Variants in GUCY1A1 observed in about 807,000 individuals in gnomAD.
The protein encoded by GUCY1A1 is guanylate cyclase 1 soluble subunit alpha 1, also known as guanylate cyclase soluble subunit alpha-1.
GUCY1A1 carries 48 observed loss-of-function variants against 64.5 expected under a neutral mutation model. That is an observed-to-expected ratio of 0.74 (90% CI 0.59 to 0.95). The LOEUF (loss-of-function observed/expected upper bound fraction) is 0.95. Ranked by LOEUF, GUCY1A1 falls within the 40% of genes least tolerant of loss-of-function variation. The pLI is 0.00. For missense variants in GUCY1A1, 804 were observed against 825.3 expected (o/e 0.97, Z 0.32); for synonymous variants, 308 against 303.4 (o/e 1.02, Z -0.16).
intron 2 of GUCY1A1, among the ~76,000 whole-genome samples, chr4:155,687,474 C>T (rs1729147968): frequency 2.6e-5 from 4 of 151,976 alleles, no homozygotes; most frequent in Admixed American, 2.0e-4. Flanking sequence ...CATGACTTTA[C>T]CATTTTATGT....
rs1363785713 is a variant in GUCY1A1, at chr4:155,716,547, CCGT to C, written c.1573-611_1573-609del. On this transcript the variant is annotated intron_variant, in intron 7 of 9. Coordinates refer to ENST00000506455, the MANE Select transcript of GUCY1A1 (RefSeq NM_001130682.3). Reference sequence around the variant, plus strand: ...ATTTCCAGTGGTCTTTCAAACACCACCGTTGTTTTTACCTGCTGGTTCAACATC... The same window carrying C: ...ATTTCCAGTGGTCTTTCAAACACCACTGTTTTTACCTGCTGGTTCAACATC... 1.6e-4 allele frequency among the ~76,000 whole-genome samples: 24 copies of C among 152,242 alleles called. No homozygotes were observed. In the East Asian group the frequency reaches 4.5e-3, roughly 28 times the overall value.
Position 155,670,881 on chromosome 4 carries a change from A to G in GUCY1A1, c.-113+3462A>G, listed in dbSNP as rs149056012. On this transcript the variant is annotated intron_variant, in intron 2 of 9. Transcript: ENST00000506455. ...GTCGACACGAGACAATGGCTTTGAG[A>G]GTGAACACCTTCTTAGGGGGGAAGC... 3.9e-3 allele frequency among the ~76,000 whole-genome samples: 597 copies of G among 152,300 alleles called. 10 individuals are homozygous for G. Among genetic ancestry groups the G allele is most frequent in the African/African-American group, 0.013 (546 of 41,574 alleles).
chr4:155,712,601 A>T (rs1487129829), intron 6 of GUCY1A1, among the ~76,000 whole-genome samples: 1 of 152,156 alleles, frequency 6.6e-6, no homozygotes, highest in Non-Finnish European at 1.5e-5. Context: ...TTTCACTTCC[A>T]TACCTGCCAG....
At position 155,734,030 on chromosome 4, in the gene GUCY1A1, G is replaced by A. The variant is rs1349172076; in HGVS notation, c.*3799G>A. On this transcript the variant is annotated 3_prime_UTR_variant, in exon 10 of 10. Coordinates refer to ENST00000506455, the MANE Select transcript of GUCY1A1 (RefSeq NM_001130682.3). ...CTTTGGTAGGGAGGAAAGAAGAGTT[G>A]CTTCAGCATTTTGACTAACATTTCT... 6.6e-6 allele frequency among the ~76,000 whole-genome samples: 1 copy of A among 151,892 alleles called. No homozygotes were observed. Among genetic ancestry groups the A allele is most frequent in the Non-Finnish European group, 1.5e-5 (1 of 67,908 alleles).
Position 155,688,181 on chromosome 4 carries a change from T to TCG in GUCY1A1, c.-112-8573_-112-8572dup, listed in dbSNP as rs1372859861. Among the ~76,000 whole-genome samples, 4 of 151,028 alleles carry TCG rather than the reference T, an allele frequency of 2.6e-5. No homozygotes were observed. In the East Asian group the frequency reaches 7.8e-4, roughly 30 times the overall value. On this transcript the variant is annotated intron_variant, in intron 2 of 9. Transcript: ENST00000506455. ...AGGTGGAGCTTGCAGTGAGCCGAGA[T>TCG]CGCACCACTGCACTCCAGCCTGGGC...
chr4:155,706,225 G>C lies in GUCY1A1; in HGVS notation c.318-2011G>C, dbSNP rs947068416. Among the ~76,000 whole-genome samples the C allele has an allele frequency of 2.6e-5, 4 of 152,146 alleles. 1 individual carries two copies. In the South Asian group the frequency reaches 8.3e-4, roughly 31 times the overall value. On this transcript the variant is annotated intron_variant, in intron 4 of 9. Coordinates refer to ENST00000506455, the MANE Select transcript of GUCY1A1 (RefSeq NM_001130682.3). The stretch of plus-strand genomic sequence containing the variant: ...TCTGATTATACTTTTAAATTTTCTT[G>C]ATGAGAACTATTCAGTTGTTGAAAC...
At chr4:155,708,659 GT>G (rs778360333) in intron 5 of GUCY1A1, among the ~76,000 whole-genome samples, 23 of 152,250 alleles carry the variant, frequency 1.5e-4, no homozygotes, top group Non-Finnish European at 2.5e-4. Context: ...TGGGAAAAAA[GT>G]TAACAGTATT....
In GUCY1A1 at chr4:155,717,320, T is replaced by TC; in HGVS notation, c.1716+18_1716+19insC. 1 of 1,529,094 alleles carries TC rather than the reference T, an allele frequency of 6.5e-7. No homozygotes were observed. 94.7% of individuals were successfully genotyped at this position (1,529,094 alleles called of 1,614,324 possible). A position where few individuals can be genotyped will look rare whatever the true frequency, so the allele number is the denominator to read the frequency against. ...CTATCAAGGTAAGGCAGATGATATATTGTCCAAAAGATGTCACAAGAGCAA... is the reference window on the plus strand; with the variant it reads ...CTATCAAGGTAAGGCAGATGATATATCTGTCCAAAAGATGTCACAAGAGCAA... On this transcript the variant is annotated intron_variant, in intron 8 of 9. Coordinates refer to ENST00000506455, the MANE Select transcript of GUCY1A1 (RefSeq NM_001130682.3).
intron 3 of GUCY1A1, among the ~76,000 whole-genome samples, chr4:155,702,193 T>G (rs994454032): frequency 9.9e-5 from 15 of 152,204 alleles, no homozygotes; most frequent in Admixed American, 6.5e-4. Flanking sequence ...GAGCAAATGC[T>G]ATGAAGAAAA....
rs1203693688 is a variant in GUCY1A1 at position 155,731,129 on chromosome 4, A to G, written c.*898A>G. 6.6e-6 allele frequency: 1 copy of G among 152,568 alleles called. No individual in the cohort carries two copies. 9.5% of individuals were successfully genotyped at this position (152,568 alleles called of 1,614,324 possible). On this transcript the variant is annotated 3_prime_UTR_variant, in exon 10 of 10. Coordinates refer to ENST00000506455, the MANE Select transcript of GUCY1A1 (RefSeq NM_001130682.3). ...TAATCATCCAGGGGACCCACCATAA[A>G]GGACATTGGTAAAACATTTACACAC...
At chr4:155,698,518 CTA>C (rs1668715452) in intron 3 of GUCY1A1, among the ~76,000 whole-genome samples, 1 of 152,178 alleles carries the variant, frequency 6.6e-6, no homozygotes, top group Non-Finnish European at 1.5e-5. Flanking sequence ...GAGATTGCTT[CTA>C]TGTTTTCCCT....
At chr4:155,722,996 C>T (rs976995238) in intron 9 of GUCY1A1, among the ~76,000 whole-genome samples, 3 of 152,100 alleles carry the variant, frequency 2.0e-5, no homozygotes, top group Non-Finnish European at 4.4e-5. Context: ...TCACCACCCC[C>T]ACTCTCCTCC....
intron 8 of GUCY1A1, among the ~76,000 whole-genome samples, chr4:155,721,510 C>A (rs1733954007): frequency 6.6e-6 from 1 of 152,104 alleles, no homozygotes; most frequent in Non-Finnish European, 1.5e-5. Flanking sequence ...ATTACAATTT[C>A]ATTTCCTCAG....
At chr4:155,703,516 T>C (rs766095428) in intron 3 of GUCY1A1, among the ~76,000 whole-genome samples, 3 of 152,150 alleles carry the variant, frequency 2.0e-5, no homozygotes, top group African/African-American at 7.2e-5. Flanking sequence ...CATGCTGAGA[T>C]TGAAGTATTG....
In GUCY1A1 at chr4:155,730,197, C is replaced by T. The variant is rs1735375365; in HGVS notation, c.2039C>T (p.Ala680Val). 2 of 1,610,712 alleles carry T rather than the reference C, an allele frequency of 1.2e-6. No homozygotes were observed. The highest frequency in any genetic ancestry group is 1.7e-6 in the Non-Finnish European group (2 of 1,177,564). ...AAGAAAGATGTGGAAGATGGCAATG[C>T]CAATTTTTTAGGCAAAGCATCAGGA... ...FQKKDVEDGN[A>V]NFLGKASGID is the part of the protein sequence containing the mutation. The change falls in exon 10 of 10, where the codon GCC becomes GTC. Residue 680 changes from alanine (A) to valine (V), a missense_variant. Transcript: ENST00000506455.
intron 2 of GUCY1A1, among the ~76,000 whole-genome samples, chr4:155,683,314 T>C (rs1358846078): frequency 6.6e-6 from 1 of 152,210 alleles, no homozygotes; most frequent in East Asian, 1.9e-4. Flanking sequence ...TACAGAGGTG[T>C]GTTTGTGTCT....
In GUCY1A1 at chr4:155,697,094, A is replaced by G. The variant is rs1560934482; in HGVS notation, c.227A>G (p.Glu76Gly). 1 of 1,613,532 alleles carries G rather than the reference A, an allele frequency of 6.2e-7. No homozygotes were observed. ...RSRVYLHTLA[E>G]SICKLIFPEF... ...CGAGTCTATCTTCACACTTTGGCAG[A>G]GAGTATTTGCAAACTGATTTTCCCA... The change falls in exon 3 of 10, where the codon GAG becomes GGG. Residue 76 changes from glutamate (E) to glycine (G), a missense_variant. Physicochemically the swap from Glu to Gly is moderately conservative, Grantham distance 98 (BLOSUM62 -2). Transcript: ENST00000506455.
rs1462160918 is a variant in GUCY1A1, at chr4:155,732,280, T to C, written c.*2049T>C. ...TTGGTGAAAAGTTGTATGGGAGTTT[T>C]TTGTACGATTCCTGCAACTTTTCTA... On this transcript the variant is annotated 3_prime_UTR_variant, in exon 10 of 10. Coordinates refer to ENST00000506455, the MANE Select transcript of GUCY1A1 (RefSeq NM_001130682.3). 6.6e-6 allele frequency: 1 copy of C among 151,874 alleles called. No individual in the cohort carries two copies. The highest frequency in any genetic ancestry group is 1.5e-5 in the Non-Finnish European group (1 of 67,852). The allele number at this position is 151,874 out of a possible 1,614,324, so 9.4% of individuals were successfully genotyped here. A position where few individuals can be genotyped will look rare whatever the true frequency, so the allele number is the denominator to read the frequency against.
intron 4 of GUCY1A1, among the ~76,000 whole-genome samples, chr4:155,705,221 T>A (rs1462365339): frequency 6.6e-6 from 1 of 152,232 alleles, no homozygotes; most frequent in Non-Finnish European, 1.5e-5. Flanking sequence ...ATCTGATTTA[T>A]TTAGTGAATC....
Sources: gnomAD v4.1 joint callset for allele counts (sites outside exome capture counted in the v4.1 genomes callset) on GRCh38, gnomAD v4.1.1 for gene constraint, MANE v1.5 for transcripts, NCBI Gene and HGNC (gene_info 2026-07-23, HGNC 2026-07-21) for gene names.